LRMDA: variants seen among roughly 807,000 people sequenced by gnomAD.
The protein encoded by LRMDA is leucine-rich melanocyte differentiation-associated protein.
Under a neutral mutation model 29.8 loss-of-function variants are expected in LRMDA, and 18 were observed. The ratio of observed to expected loss-of-function variants is 0.60; its 90% CI spans 0.42 to 0.90. The LOEUF is 0.90. Among genes scored for constraint, LRMDA ranks in the 40% least tolerant of loss-of-function variants. LRMDA has a pLI of 0.00. For synonymous variants in LRMDA, 125 were observed against 109.4 expected (o/e 1.14, Z -0.89); for missense variants, 273 against 273.9 (o/e 1.00, Z 0.02).
rs890561498 is a variant in LRMDA, at chr10:76,285,756, C to T, written c.517-38645C>T. 3.3e-5 allele frequency among the ~76,000 whole-genome samples: 5 copies of T among 152,124 alleles called. No homozygotes were observed. The East Asian group carries it at 9.7e-4, about 29-fold the overall frequency. On this transcript the variant is annotated intron_variant, in intron 5 of 6. Coordinates refer to ENST00000611255, the MANE Select transcript of LRMDA (RefSeq NM_001305581.2). Reference sequence around the variant, plus strand: ...GATTCTAGAGACCTGGTTTGAAAATCCTGGGAAAGCTGAGAGCTTCGTTTC... The same window carrying T: ...GATTCTAGAGACCTGGTTTGAAAATTCTGGGAAAGCTGAGAGCTTCGTTTC...
intron 6 of LRMDA, among the ~76,000 whole-genome samples, chr10:76,336,633 G>A (rs1840972434): frequency 6.6e-6 from 1 of 152,018 alleles, no homozygotes; most frequent in South Asian, 2.1e-4. Flanking sequence ...ACTGCCCAGA[G>A]GTCCCAATTT....
rs1350748996 is a variant in LRMDA at position 76,529,810 on chromosome 10, G to A, written c.602-27399G>A. Among the ~76,000 whole-genome samples the A allele has an allele frequency of 2.6e-5, 4 of 152,102 alleles. No individual in the cohort carries two copies. In the East Asian group the frequency reaches 7.7e-4, roughly 29 times the overall value. On this transcript the variant is annotated intron_variant, in intron 6 of 6. Coordinates refer to ENST00000611255, the MANE Select transcript of LRMDA (RefSeq NM_001305581.2). ...GAAAAACTTGCCAGTTATTTGGGAG[G>A]CTTTGTCTTCTTACATGGAAAAAGG...
chr10:75,521,556 C>A (rs975297636), intron 2 of LRMDA, among the ~76,000 whole-genome samples: 2 of 152,190 alleles, frequency 1.3e-5, no homozygotes, highest in Non-Finnish European at 2.9e-5. Context: ...GTTGCTTAGA[C>A]CATGGGAAAA....
At chr10:75,666,209 A>G (rs761275092) in intron 2 of LRMDA, among the ~76,000 whole-genome samples, 12 of 152,244 alleles carry the variant, frequency 7.9e-5, no homozygotes, top group Non-Finnish European at 1.3e-4. Context: ...TTACCTTTCT[A>G]AGATCTGAAA....
intron 6 of LRMDA, among the ~76,000 whole-genome samples, chr10:76,342,502 A>G (rs1841054266): frequency 6.6e-6 from 1 of 152,058 alleles, no homozygotes; most frequent in Admixed American, 6.5e-5. Context: ...AAATCAAAGG[A>G]AAGTGGAAGG....
chr10:75,552,413 GTT>G (rs374745156), intron 2 of LRMDA: 67 of 231,180 alleles, frequency 2.9e-4, no homozygotes, highest in Middle Eastern at 1.4e-3. Context: ...TTTGTTCTGT[GTT>G]TTTTTTTTTT....
chr10:75,617,310 A>G (rs1028207776), intron 2 of LRMDA, among the ~76,000 whole-genome samples: 1 of 152,110 alleles, frequency 6.6e-6, no homozygotes, highest in Non-Finnish European at 1.5e-5. Context: ...CCCATTTACA[A>G]CCTCTAAGTG....
chr10:76,416,708 A>T (rs866117122), intron 6 of LRMDA, among the ~76,000 whole-genome samples: 1 of 152,234 alleles, frequency 6.6e-6, no homozygotes, highest in African/African-American at 2.4e-5. Context: ...CATGAAATAG[A>T]GATCAAGTAG....
At chr10:75,462,578 T>C (rs1844600175) in intron 2 of LRMDA, among the ~76,000 whole-genome samples, 2 of 152,190 alleles carry the variant, frequency 1.3e-5, no homozygotes, top group African/African-American at 4.8e-5. Flanking sequence ...AGAGAGGGGA[T>C]CCGGGAATTG....
chr10:75,486,864 G>A (rs1844921577), intron 2 of LRMDA, among the ~76,000 whole-genome samples: 1 of 152,202 alleles, frequency 6.6e-6, no homozygotes, highest in African/African-American at 2.4e-5. Context: ...GTGGAGGATA[G>A]CACGTGATAA....
At chr10:76,005,690 G>A (rs1034526116) in intron 2 of LRMDA, among the ~76,000 whole-genome samples, 1 of 152,076 alleles carries the variant, frequency 6.6e-6, no homozygotes, top group Non-Finnish European at 1.5e-5. Context: ...CAGCACTTTG[G>A]GAGGCCAAGG....
rs528497514 is a variant in LRMDA at position 76,479,072 on chromosome 10, AG to A, written c.602-78136del. On this transcript the variant is annotated intron_variant, in intron 6 of 6. Coordinates refer to ENST00000611255, the MANE Select transcript of LRMDA (RefSeq NM_001305581.2). ...TAAAAATATATATATAAATAAAAAA[AG>A]ATCACAAACTAAATATTGAGCTTAT... Among the ~76,000 whole-genome samples the A allele has an allele frequency of 5.2e-3, 788 of 151,752 alleles. 5 individuals are homozygous for A. Among genetic ancestry groups the A allele is most frequent in the Non-Finnish European group, 8.3e-3 (564 of 67,828 alleles).
chr10:75,619,363 C>T (rs1841150813), intron 2 of LRMDA, among the ~76,000 whole-genome samples: 2 of 152,220 alleles, frequency 1.3e-5, no homozygotes, highest in East Asian at 3.9e-4. Context: ...TGGATACTCT[C>T]AAGGGGAAGC....
chr10:75,735,503 C>T lies in LRMDA; in HGVS notation c.131+297009C>T, dbSNP rs1474954646. ...AAAAACATCACATTCAGCCTAAACT[C>T]CTGGATTGGTACTGAGGGATATTCT... is the stretch of plus-strand genomic sequence containing the variant. On this transcript the variant is annotated intron_variant, in intron 2 of 6. Coordinates refer to ENST00000611255, the MANE Select transcript of LRMDA (RefSeq NM_001305581.2). Among the ~76,000 whole-genome samples, 5 of 152,112 alleles carry T rather than the reference C, an allele frequency of 3.3e-5. 1 individual carries two copies. Among genetic ancestry groups the T allele is most frequent in the South Asian group, 4.2e-4 (2 of 4,806 alleles).
chr10:76,087,672 G>T (rs1849159558), intron 5 of LRMDA, among the ~76,000 whole-genome samples: 1 of 152,110 alleles, frequency 6.6e-6, no homozygotes, highest in South Asian at 2.1e-4. Context: ...TGTGGAAGAG[G>T]GATCCGTGTC....
At position 75,981,268 on chromosome 10, in the gene LRMDA, T is replaced by C. The variant is rs558589844; in HGVS notation, c.132-54740T>C. 1.1e-4 allele frequency among the ~76,000 whole-genome samples: 17 copies of C among 152,334 alleles called. No homozygotes were observed. In the South Asian group the frequency reaches 1.5e-3, roughly 13 times the overall value. ...CCATTTGTCTGACAATTGGAAGATA[T>C]GTTTTCTGGGTTGTATCATTCATTC... On this transcript the variant is annotated intron_variant, in intron 2 of 6. Transcript: ENST00000611255.
chr10:75,746,212 A>G (rs996408322), intron 2 of LRMDA, among the ~76,000 whole-genome samples: 1 of 152,320 alleles, frequency 6.6e-6, no homozygotes, highest in East Asian at 1.9e-4. Flanking sequence ...ATGCTCCACA[A>G]ACATTAGTTA....
chr10:76,107,105 G>A (rs909836564), intron 5 of LRMDA, among the ~76,000 whole-genome samples: 1 of 152,300 alleles, frequency 6.6e-6, no homozygotes, highest in Admixed American at 6.5e-5. Flanking sequence ...GAAGGGGTGG[G>A]GGAGGTAGAG....
chr10:76,499,764 A>T (rs114866175), intron 6 of LRMDA, among the ~76,000 whole-genome samples: 1,008 of 75,468 alleles, frequency 0.013, 296 homozygotes, highest in African/African-American at 0.031. Flanking sequence ...CCAGGATCAC[A>T]TATTGCATTT....
Sources: gnomAD v4.1 joint callset for allele counts (sites outside exome capture counted in the v4.1 genomes callset) on GRCh38, gnomAD v4.1.1 for gene constraint, MANE v1.5 for transcripts, NCBI Gene and HGNC (gene_info 2026-07-23, HGNC 2026-07-21) for gene names.